FOXN3: variants seen among roughly 807,000 people sequenced by gnomAD.
The protein encoded by FOXN3 is forkhead box N3, also known as forkhead box protein N3.
Under a neutral mutation model 38.4 loss-of-function variants are expected in FOXN3, and 7 were observed. The observed-to-expected ratio is 0.18, with a 90% CI of 0.10 to 0.34. The LOEUF (loss-of-function observed/expected upper bound fraction) is 0.34. Among genes scored for constraint, FOXN3 ranks in the 10% least tolerant of loss-of-function variants. FOXN3 has a pLI of 1.00. For missense variants in FOXN3, 456 were observed against 613.4 expected, an observed-to-expected ratio of 0.74 and a Z score of 2.71; for synonymous variants, 230 against 242.2, an observed-to-expected ratio of 0.95 and a Z score of 0.47.
chr14:89,439,086 C>G (rs770981868), intron 1 of FOXN3, among the ~76,000 whole-genome samples: 3 of 152,078 alleles, frequency 2.0e-5, no homozygotes, highest in Admixed American at 6.6e-5. Context: ...GAGGTACCCA[C>G]CCCTGCCAAA....
chr14:89,594,804 T>C (rs1303488685), intron 1 of FOXN3, among the ~76,000 whole-genome samples: 1 of 152,056 alleles, frequency 6.6e-6, no homozygotes, highest in Non-Finnish European at 1.5e-5. Context: ...GAGAATCACC[T>C]GAATCCGGGA....
At chr14:89,371,108 T>G (rs1247178472) in intron 2 of FOXN3, among the ~76,000 whole-genome samples, 3 of 152,158 alleles carry the variant, frequency 2.0e-5, no homozygotes, top group Non-Finnish European at 4.4e-5. Context: ...AAGGGTTCAC[T>G]CTGATCACTG....
At chr14:89,225,808 A>G (rs1286328742) in intron 4 of FOXN3, among the ~76,000 whole-genome samples, 1 of 152,126 alleles carries the variant, frequency 6.6e-6, no homozygotes. Flanking sequence ...CGTGTGTAAC[A>G]TAAAGGTTAA....
At chr14:89,258,575 T>A (rs1456918959) in intron 4 of FOXN3, among the ~76,000 whole-genome samples, 1 of 152,210 alleles carries the variant, frequency 6.6e-6, no homozygotes, top group Non-Finnish European at 1.5e-5. Flanking sequence ...TACATCTTAT[T>A]TTCTAAAATG....
chr14:89,435,945 C>G (rs1892266670), intron 1 of FOXN3, among the ~76,000 whole-genome samples: 1 of 152,138 alleles, frequency 6.6e-6, no homozygotes, highest in South Asian at 2.1e-4. Flanking sequence ...AAAGGCACAG[C>G]AGGTTTTACG....
intron 2 of FOXN3, among the ~76,000 whole-genome samples, chr14:89,388,138 T>G (rs1286055040): frequency 5.3e-5 from 8 of 152,142 alleles, no homozygotes; most frequent in Non-Finnish European, 1.0e-4. Context: ...GAGCCGAGAT[T>G]GCGACATTGC....
intron 2 of FOXN3, among the ~76,000 whole-genome samples, chr14:89,368,616 G>T (rs577603171): frequency 6.6e-6 from 1 of 152,140 alleles, no homozygotes; most frequent in Non-Finnish European, 1.5e-5. Context: ...ACTGCACTCC[G>T]GCTTGGGTGA....
intron 1 of FOXN3, among the ~76,000 whole-genome samples, chr14:89,488,208 C>G (rs1406117629): frequency 2.0e-5 from 3 of 151,804 alleles, no homozygotes; most frequent in Non-Finnish European, 4.4e-5. Context: ...TCAGCCTCCC[C>G]AGTAGCTGGG....
At chr14:89,406,770 A>G (rs1353516502) in intron 2 of FOXN3, among the ~76,000 whole-genome samples, 1 of 127,818 alleles carries the variant, frequency 7.8e-6, no homozygotes, top group African/African-American at 2.5e-5. Context: ...TAGCAAGAGG[A>G]AAGGTTAAAA....
chr14:89,435,026 T>C lies in FOXN3; in HGVS notation c.-14-22536A>G, dbSNP rs903183002. On this transcript the variant is annotated intron_variant, in intron 1 of 6. Transcript: ENST00000345097. ...AGCCAAGCACAATTTGAATACACTGTACTGCTAATCAGATTAACTTTCCCC... is the reference window on the plus strand; with the variant it reads ...AGCCAAGCACAATTTGAATACACTGCACTGCTAATCAGATTAACTTTCCCC... Among the ~76,000 whole-genome samples, 17 of 152,328 alleles carry C rather than the reference T, an allele frequency of 1.1e-4. 2 individuals are homozygous for C. The highest frequency in any genetic ancestry group is 1.1e-3 in the Admixed American group (17 of 15,298).
intron 1 of FOXN3, among the ~76,000 whole-genome samples, chr14:89,597,133 A>G (rs1896072126): frequency 6.6e-6 from 1 of 152,204 alleles, no homozygotes; most frequent in South Asian, 2.1e-4. Context: ...GCATTGCTTT[A>G]CATGCATTCC....
intron 1 of FOXN3, among the ~76,000 whole-genome samples, chr14:89,607,325 G>A (rs1276981875): frequency 1.3e-4 from 20 of 152,128 alleles, no homozygotes; most frequent in East Asian, 1.9e-4. Flanking sequence ...TTGGGAGGCC[G>A]AGGCAGGCGG....
intron 1 of FOXN3, among the ~76,000 whole-genome samples, chr14:89,512,965 C>T (rs1014654251): frequency 6.6e-6 from 1 of 151,818 alleles, no homozygotes; most frequent in Non-Finnish European, 1.5e-5. Context: ...ATGGTGAAAC[C>T]CCTGTCTCTG....
At chr14:89,554,341 T>C (rs937216267) in intron 1 of FOXN3, among the ~76,000 whole-genome samples, 1 of 152,120 alleles carries the variant, frequency 6.6e-6, no homozygotes, top group Non-Finnish European at 1.5e-5. Context: ...TCTCATATGT[T>C]GCCCAGGCTG....
intron 4 of FOXN3, among the ~76,000 whole-genome samples, chr14:89,227,682 C>G (rs538889118): frequency 6.6e-6 from 1 of 152,224 alleles, no homozygotes; most frequent in Admixed American, 6.5e-5. Context: ...GTAATAAAAT[C>G]CGGCACGATA....
chr14:89,231,837 C>T (rs1473108371), intron 4 of FOXN3, among the ~76,000 whole-genome samples: 4 of 151,970 alleles, frequency 2.6e-5, no homozygotes, highest in Admixed American at 1.3e-4. Flanking sequence ...CAGGTGGTGG[C>T]GGGGAACACA....
At chr14:89,246,395 C>T (rs1885296941) in intron 4 of FOXN3, among the ~76,000 whole-genome samples, 1 of 152,036 alleles carries the variant, frequency 6.6e-6, no homozygotes. Flanking sequence ...GTAGAGACCC[C>T]TCACCCTGAA....
chr14:89,577,365 T>C (rs942210368), intron 1 of FOXN3: 1 of 152,188 alleles, frequency 6.6e-6, no homozygotes, highest in Non-Finnish European at 1.5e-5. Flanking sequence ...AGGATAGGTT[T>C]CTATTTCCTT....
At chr14:89,446,498 A>T (rs1892504313) in intron 1 of FOXN3, among the ~76,000 whole-genome samples, 1 of 152,090 alleles carries the variant, frequency 6.6e-6, no homozygotes, top group South Asian at 2.1e-4. Context: ...CCTAAAAGTC[A>T]CTTTTTTAAG....
Sources: gnomAD v4.1 joint callset for allele counts (sites outside exome capture counted in the v4.1 genomes callset) on GRCh38, gnomAD v4.1.1 for gene constraint, MANE v1.5 for transcripts, NCBI Gene and HGNC (gene_info 2026-07-23, HGNC 2026-07-21) for gene names.